Variants in EBF4 observed in about 807,000 individuals in gnomAD.
The protein encoded by EBF4 is transcription factor COE4.
In EBF4, 34 loss-of-function variants were observed where a neutral mutation model predicts 67.1. That is an observed-to-expected ratio of 0.51 (90% confidence interval 0.39 to 0.67). The LOEUF is 0.67. EBF4 is among the 30% of genes least tolerant of loss of function. The pLI is 0.00. For missense variants in EBF4, 837 were observed against 873.3 expected (o/e 0.96, Z 0.52); for synonymous variants, 387 against 377.7 (o/e 1.02, Z -0.29).
intron 6 of EBF4, among the ~76,000 whole-genome samples, chr20:2,716,293 G>T (rs1466632391): frequency 6.6e-6 from 1 of 150,964 alleles, no homozygotes; most frequent in East Asian, 2.0e-4. Flanking sequence ...TTGGGAGGCC[G>T]AGGCGGGCAG....
intron 6 of EBF4, among the ~76,000 whole-genome samples, chr20:2,710,135 C>T (rs1232991539): frequency 2.0e-5 from 3 of 152,172 alleles, no homozygotes; most frequent in Admixed American, 6.5e-5. Flanking sequence ...TGCATTTGCA[C>T]ACCATGATTT....
rs992049739 is a variant in EBF4 at position 2,747,011 on chromosome 20, G to A, written c.558-1538G>A. Among the ~76,000 whole-genome samples, 1 of 152,236 alleles carries A rather than the reference G, an allele frequency of 6.6e-6. No individual in the cohort carries two copies. Among genetic ancestry groups the A allele is most frequent in the African/African-American group, 2.4e-5 (1 of 41,470 alleles). On this transcript the variant is annotated intron_variant, in intron 6 of 16. Transcript: ENST00000609451. This position sits in a 1 kb window ranked among gnomAD's most constrained non-coding sequence, Gnocchi z 4.6. ...TCCGAGTTTACCAAGAGTTAAACAG[G>A]GCTGGGTGCAGTGGCTCATGCCTGT...
chr20:2,713,503 GA>G (rs2087570042), intron 6 of EBF4, among the ~76,000 whole-genome samples: 1 of 152,158 alleles, frequency 6.6e-6, no homozygotes, highest in African/African-American at 2.4e-5. Context: ...TCATGTGATT[GA>G]CAAGCGGCAC....
At position 2,756,417 on chromosome 20, in the gene EBF4, G is replaced by A. The variant is rs921058908; in HGVS notation, c.1738+593G>A. On this transcript the variant is annotated intron_variant, in intron 15 of 16. Coordinates refer to ENST00000609451, the Ensembl canonical transcript of EBF4. The surrounding 1 kb of genome is among the most constrained non-coding windows in gnomAD (Gnocchi z 4.5). ...AACCAGCAGAGCCTTTCCTATCCAC[G>A]TGGTGATTGGAAACTCACTGGGAGG... 3.3e-5 allele frequency among the ~76,000 whole-genome samples: 5 copies of A among 152,190 alleles called. No individual in the cohort carries two copies. Among genetic ancestry groups the A allele is most frequent in the Admixed American group, 1.3e-4 (2 of 15,274 alleles).
rs898395946 is a variant in EBF4 at position 2,756,543 on chromosome 20, T to G, written c.1738+719T>G. Among the ~76,000 whole-genome samples the G allele has an allele frequency of 1.3e-5, 2 of 152,208 alleles. No homozygotes were observed. Among genetic ancestry groups the G allele is most frequent in the African/African-American group, 4.8e-5 (2 of 41,462 alleles). Reference sequence around the variant, plus strand: ...GGGATGGTGGGGGCCAGGGCCAGTGTCTTCCCTAAGAGGCTTACAGGTGTT... The same window carrying G: ...GGGATGGTGGGGGCCAGGGCCAGTGGCTTCCCTAAGAGGCTTACAGGTGTT... On this transcript the variant is annotated intron_variant, in intron 15 of 16. Coordinates refer to ENST00000609451, the Ensembl canonical transcript of EBF4. The surrounding 1 kb of genome is among the most constrained non-coding windows in gnomAD (Gnocchi z 4.5).
chr20:2,701,041 C>T (rs976473105), intron 1 of EBF4, among the ~76,000 whole-genome samples: 3 of 152,260 alleles, frequency 2.0e-5, no homozygotes, highest in African/African-American at 7.2e-5. Flanking sequence ...CTCTTGCCCA[C>T]TCTGCAGTCC....
rs1438390361 is a variant in EBF4, at chr20:2,747,330, A to C, written c.558-1219A>C. ...AAACAAAACAAACAAAAAAAAAAAAACAGGAAAAAAAAGAGTACAACAGCC... is the reference window on the plus strand; with the variant it reads ...AAACAAAACAAACAAAAAAAAAAAACCAGGAAAAAAAAGAGTACAACAGCC... On this transcript the variant is annotated intron_variant, in intron 6 of 16. Coordinates refer to ENST00000609451, the Ensembl canonical transcript of EBF4. This position sits in a 1 kb window ranked among gnomAD's most constrained non-coding sequence, Gnocchi z 4.6. Among the ~76,000 whole-genome samples the C allele has an allele frequency of 1.3e-5, 2 of 151,426 alleles. No homozygotes were observed. Among genetic ancestry groups the C allele is most frequent in the African/African-American group, 2.4e-5 (1 of 41,202 alleles).
At chr20:2,732,902 A>G (rs111783626) in intron 6 of EBF4, among the ~76,000 whole-genome samples, 3,533 of 152,228 alleles carry the variant, frequency 0.023, 81 homozygotes, top group Middle Eastern at 0.071. Context: ...TTTAAATTAG[A>G]TAGGAAAACA....
intron 6 of EBF4, among the ~76,000 whole-genome samples, chr20:2,716,230 A>AC (rs1400136082): frequency 6.6e-6 from 1 of 151,190 alleles, no homozygotes; most frequent in Non-Finnish European, 1.5e-5. Flanking sequence ...TAAAAAAAAA[A>AC]AAAAAAAAAA....
rs1203783694 is a variant in EBF4, at chr20:2,747,596, G to C, written c.558-953G>C. 6.6e-6 allele frequency among the ~76,000 whole-genome samples: 1 copy of C among 152,188 alleles called. No individual in the cohort carries two copies. The highest frequency in any genetic ancestry group is 1.9e-4 in the East Asian group (1 of 5,196). On this transcript the variant is annotated intron_variant, in intron 6 of 16. Transcript: ENST00000609451. The surrounding 1 kb of genome is among the most constrained non-coding windows in gnomAD (Gnocchi z 4.6). ...TATATGGTGGGTATGTGCTCTGTAT[G>C]ATTAAGCTTTTCCTATGTGTATAAT...
At chr20:2,740,105 G>C (rs1337455996) in intron 6 of EBF4, among the ~76,000 whole-genome samples, 1 of 152,242 alleles carries the variant, frequency 6.6e-6, no homozygotes, top group African/African-American at 2.4e-5. Flanking sequence ...CAGAGGTCAG[G>C]AGTTCATGAC....
At chr20:2,736,784 C>G (rs1324935307) in intron 6 of EBF4, among the ~76,000 whole-genome samples, 2 of 152,084 alleles carry the variant, frequency 1.3e-5, no homozygotes, top group Non-Finnish European at 2.9e-5. Context: ...GAGATTCGCT[C>G]ATGTGCTCCG....
At chr20:2,744,983 A>G (rs2088028517) in intron 6 of EBF4, among the ~76,000 whole-genome samples, 1 of 152,204 alleles carries the variant, frequency 6.6e-6, no homozygotes, top group Non-Finnish European at 1.5e-5. Context: ...TGTGTGTTTT[A>G]CACTTACAGC....
intron 6 of EBF4, among the ~76,000 whole-genome samples, chr20:2,737,627 C>T (rs546830439): frequency 3.3e-5 from 5 of 152,090 alleles, no homozygotes; most frequent in South Asian, 2.1e-4. Context: ...TCCTGCCACC[C>T]CACCCTTACC....
chr20:2,697,838 G>A (rs2087318503), intron 1 of EBF4, among the ~76,000 whole-genome samples: 1 of 152,214 alleles, frequency 6.6e-6, no homozygotes, highest in Non-Finnish European at 1.5e-5. Context: ...TCCTTCTGAT[G>A]TGCTTCCCAG....
At chr20:2,692,795 T>C (rs2087224782), upstream of EBF4, 3 of 135,726 alleles carry the variant, frequency 2.2e-5, no homozygotes, top group South Asian at 2.0e-4. This position sits in a 1 kb window ranked among gnomAD's most constrained non-coding sequence, Gnocchi z 6.4. Flanking sequence ...CGGCTACCGC[T>C]CCCCCGGGAG....
At chr20:2,758,676 C>T (rs558755980) in intron 15 of EBF4, among the ~76,000 whole-genome samples, 11 of 152,230 alleles carry the variant, frequency 7.2e-5, no homozygotes, top group African/African-American at 2.4e-4. Context: ...AGCCTGGGGT[C>T]GTCTCTCTCT....
intron 6 of EBF4, among the ~76,000 whole-genome samples, chr20:2,735,569 A>G (rs1192669902): frequency 1.3e-5 from 2 of 152,250 alleles, no homozygotes; most frequent in Non-Finnish European, 2.9e-5. Flanking sequence ...GTCTTTACTT[A>G]GCAATTCCCA....
chr20:2,747,313 C>CAAAAAAAA lies in EBF4; in HGVS notation c.558-1233_558-1232insAAAAAAAA, dbSNP rs1415178435. On this transcript the variant is annotated intron_variant, in intron 6 of 16. Transcript: ENST00000609451. The surrounding 1 kb of genome is among the most constrained non-coding windows in gnomAD (Gnocchi z 4.6). ...CTCTGTCTCAAAACAAAAAACAAAA[C>CAAAAAAAA]AAACAAAAAAAAAAAAACAGGAAAA... is the stretch of plus-strand genomic sequence containing the variant. Among the ~76,000 whole-genome samples the CAAAAAAAA allele has an allele frequency of 6.5e-5, 8 of 123,290 alleles. No individual in the cohort carries two copies. The highest frequency in any genetic ancestry group is 2.5e-4 in the South Asian group (1 of 4,040). 80.9% of individuals were successfully genotyped at this position (123,290 alleles called of 152,430 possible). A position where few individuals can be genotyped will look rare whatever the true frequency, so the allele number is the denominator to read the frequency against.
Sources: gnomAD v4.1 joint callset for allele counts (sites outside exome capture counted in the v4.1 genomes callset) on GRCh38, gnomAD v4.1.1 for gene constraint, Gnocchi (gnomAD v3.1) non-coding constraint, MANE v1.5 for transcripts, NCBI Gene and HGNC (gene_info 2026-07-23, HGNC 2026-07-21) for gene names.